The following CNTLN variants were observed in gnomAD, a reference collection of about 807,000 sequenced individuals.
CNTLN encodes the protein centlein, centrosomal protein.
A neutral mutation model predicts 180.0 loss-of-function variants in CNTLN; 212 were observed. The observed-to-expected ratio is 1.18, with a 90% CI of 1.05 to 1.32. The LOEUF (loss-of-function observed/expected upper bound fraction) is 1.32. CNTLN is among the 40% of genes most tolerant of loss of function. The pLI is 0.00. For missense variants in CNTLN, 2,095 were observed against 1,610.9 expected (o/e 1.30, Z -5.14); for synonymous variants, 722 against 563.1 (o/e 1.28, Z -3.99).
At chr9:17,302,131 CACTG>C in intron 7 of CNTLN, 1 of 973,132 alleles carries the variant, frequency 1.0e-6, no homozygotes, top group Non-Finnish European at 1.2e-6. Context: ...GACACACACA[CACTG>C]ACCTATCCAC....
downstream of CNTLN, among the ~76,000 whole-genome samples, chr9:17,505,359 C>T (rs1009627701): frequency 6.6e-6 from 1 of 151,866 alleles, no homozygotes; most frequent in African/African-American, 2.4e-5. Context: ...AAAAGGCATC[C>T]AGATTGGAAA....
At chr9:17,505,429 C>A (rs1232828697), downstream of CNTLN, among the ~76,000 whole-genome samples, 1 of 152,058 alleles carries the variant, frequency 6.6e-6, no homozygotes, top group Non-Finnish European at 1.5e-5. Context: ...TTAATGAGTC[C>A]AGCAAGATCT....
In CNTLN at chr9:17,189,073, GTTTTTTTTTT is replaced by G. The variant is rs1175101171; in HGVS notation, c.450-37112_450-37103del. The stretch of plus-strand genomic sequence containing the variant: ...ATCAATTTGAGCTTTTTGGGACTTA[GTTTTTTTTTT>G]TTTTTTTTTTTTTTTTTGAGATGGA... On this transcript the variant is annotated intron_variant, in intron 2 of 25. Transcript: ENST00000380647. Among the ~76,000 whole-genome samples the G allele has an allele frequency of 8.3e-4, 57 of 68,904 alleles. 1 individual carries two copies. Among genetic ancestry groups the G allele is most frequent in the South Asian group, 1.3e-3 (2 of 1,596 alleles). 45.2% of individuals were successfully genotyped at this position (68,904 alleles called of 152,430 possible).
intron 8 of CNTLN, among the ~76,000 whole-genome samples, chr9:17,311,451 G>GT (rs112794584): frequency 0.075 from 9,983 of 133,692 alleles, 561 homozygotes; most frequent in African/African-American, 0.17. Flanking sequence ...GGGTTTTTCT[G>GT]TTTTTTTTTT....
At chr9:17,242,323 T>A (rs1247484163) in intron 5 of CNTLN, among the ~76,000 whole-genome samples, 2 of 151,796 alleles carry the variant, frequency 1.3e-5, no homozygotes, top group Admixed American at 1.3e-4. Context: ...TTTCCTTTTG[T>A]CTTTGAGATG....
At chr9:17,467,748 T>C (rs767013500) in intron 23 of CNTLN, among the ~76,000 whole-genome samples, 10 of 151,636 alleles carry the variant, frequency 6.6e-5, no homozygotes, top group Non-Finnish European at 1.0e-4. Context: ...GTTTAACTTA[T>C]AGTGAACACT....
chr9:17,483,800 C>A (rs143123717), intron 23 of CNTLN, among the ~76,000 whole-genome samples: 3 of 152,280 alleles, frequency 2.0e-5, no homozygotes, highest in Admixed American at 6.5e-5. Flanking sequence ...CCAATTTGTC[C>A]TTCTCAACTT....
At chr9:17,350,648 A>G (rs755262132) in intron 12 of CNTLN, among the ~76,000 whole-genome samples, 1 of 152,040 alleles carries the variant, frequency 6.6e-6, no homozygotes, top group Non-Finnish European at 1.5e-5. Flanking sequence ...GAAATTCAAG[A>G]TCATGGTGCC....
At chr9:17,254,407 T>A (rs1359989902) in intron 5 of CNTLN, among the ~76,000 whole-genome samples, 2 of 151,592 alleles carry the variant, frequency 1.3e-5, no homozygotes, top group Non-Finnish European at 1.5e-5. Flanking sequence ...TTCTGCTATG[T>A]TGGGAATTTT....
rs190038726 is a variant in CNTLN, at chr9:17,306,202, T to C, written c.1147-2856T>C. 5.2e-3 allele frequency among the ~76,000 whole-genome samples: 761 copies of C among 147,394 alleles called. 4 individuals are homozygous for C. The highest frequency in any genetic ancestry group is 8.2e-3 in the Admixed American group (116 of 14,226). On this transcript the variant is annotated intron_variant, in intron 7 of 25. Coordinates refer to ENST00000380647, the MANE Select transcript of CNTLN (RefSeq NM_017738.4). ...TCTTGCCCTGTTGTCCTGGCTGGAG[T>C]GCAATGGCACGATCTCATCTCATTG...
rs1374986725 is a variant in CNTLN, at chr9:17,330,722, G to A, written c.1432G>A (p.Ala478Thr). 2 of 1,612,084 alleles carry A rather than the reference G, an allele frequency of 1.2e-6. No homozygotes were observed. The highest frequency in any genetic ancestry group is 1.7e-6 in the Non-Finnish European group (2 of 1,178,748). The stretch of plus-strand genomic sequence containing the variant: ...GTATTTACAGGAGAAACTAAAGATA[G>A]CAAATGAAAAACTGTCAGAAAACAT... ...IEYLQEKLKIANEKLSENISA... is the reference protein window; with the variant it reads ...IEYLQEKLKITNEKLSENISA... The change falls in exon 9 of 26, where the codon GCA becomes ACA. Residue 478 changes from alanine (A) to threonine (T), a missense_variant. Ala to Thr is a moderately conservative substitution (Grantham distance 58). Transcript: ENST00000380647.
the CNTLN span, among the ~76,000 whole-genome samples, chr9:17,520,454 T>C: frequency 1.3e-5 from 2 of 152,196 alleles, no homozygotes; most frequent in African/African-American, 4.8e-5. Flanking sequence ...CACCAGGTCC[T>C]CCTGAGAATA....
chr9:17,296,245 T>TCCACCTCAGGTGATCCAC (rs1413432298), intron 6 of CNTLN, among the ~76,000 whole-genome samples: 1 of 151,976 alleles, frequency 6.6e-6, no homozygotes, highest in Non-Finnish European at 1.5e-5. Context: ...AGGTGATCCA[T>TCCACCTCAGGTGATCCAC]CTACCTCAGG....
At chr9:17,347,870 C>T (rs772286162) in intron 12 of CNTLN, among the ~76,000 whole-genome samples, 5 of 151,940 alleles carry the variant, frequency 3.3e-5, no homozygotes, top group Non-Finnish European at 7.4e-5. Flanking sequence ...CTCGCTCTGT[C>T]GCTCAGGCTG....
At chr9:17,190,958 G>T (rs1305187701) in intron 2 of CNTLN, among the ~76,000 whole-genome samples, 2 of 152,066 alleles carry the variant, frequency 1.3e-5, no homozygotes, top group African/African-American at 4.8e-5. Context: ...TTAACTCAGG[G>T]ATTCCTAAAT....
At position 17,340,922 on chromosome 9, in the gene CNTLN, A is replaced by G. The variant is rs1294124969; in HGVS notation, c.1740A>G (p.Leu580=). 1 of 1,611,232 alleles carries G rather than the reference A, an allele frequency of 6.2e-7. No homozygotes were observed. The highest frequency in any genetic ancestry group is 8.5e-7 in the Non-Finnish European group (1 of 1,178,596). The change falls in exon 11 of 26, where the codon TTA becomes TTG. Residue 580 remains leucine (L), a synonymous_variant. Coordinates refer to ENST00000380647, the MANE Select transcript of CNTLN (RefSeq NM_017738.4). ...ACTACAGAGCAGTAAAAGAGCAATT[A>G]AAACAGTGGGAAGAAGGCAGTGGCA... is the stretch of plus-strand genomic sequence containing the variant. ...QTNYRAVKEQ[L]KQWEEGSGMT...
At chr9:17,339,006 A>G (rs1009223268) in intron 10 of CNTLN, among the ~76,000 whole-genome samples, 15 of 152,182 alleles carry the variant, frequency 9.9e-5, no homozygotes, top group African/African-American at 3.6e-4. Flanking sequence ...ATCCTACTTT[A>G]GCAAATTTGC....
At chr9:17,315,940 G>A (rs996047638) in intron 8 of CNTLN, among the ~76,000 whole-genome samples, 6 of 118,038 alleles carry the variant, frequency 5.1e-5, no homozygotes, top group Non-Finnish European at 9.1e-5. Flanking sequence ...TTGTAGGTTT[G>A]TCTATTTCTC....
chr9:17,438,808 G>T (rs1412488763), intron 18 of CNTLN, among the ~76,000 whole-genome samples: 2 of 152,118 alleles, frequency 1.3e-5, no homozygotes, highest in East Asian at 1.9e-4. Flanking sequence ...ATCACCAAGG[G>T]CGTGGAGATA....
Sources: gnomAD v4.1 joint callset for allele counts (sites outside exome capture counted in the v4.1 genomes callset) on GRCh38, gnomAD v4.1.1 for gene constraint, MANE v1.5 for transcripts, NCBI Gene and HGNC (gene_info 2026-07-23, HGNC 2026-07-21) for gene names.